GRM3: variants seen among roughly 807,000 people sequenced by gnomAD.
GRM3 encodes metabotropic glutamate receptor 3.
GRM3 carries 26 observed loss-of-function variants against 70.5 expected under a neutral mutation model. The ratio of observed to expected loss-of-function variants is 0.37; its 90% CI spans 0.27 to 0.51. GRM3 has a LOEUF of 0.51. Ranked by LOEUF, GRM3 falls within the 20% of genes least tolerant of loss-of-function variation. GRM3 has a pLI of 0.93. For synonymous variants in GRM3, 443 were observed against 434.9 expected, an observed-to-expected ratio of 1.02 and a Z score of -0.23; for missense variants, 859 against 1,123.8, an observed-to-expected ratio of 0.76 and a Z score of 3.37.
rs193216779 is a variant in GRM3, at chr7:86,708,609, G to A, written c.-140-56397G>A. ...AGGATCAGAGGGGTGCCACGTCAAC[G>A]AATCCACCCCAGAGCTGGATTTAAA... On this transcript the variant is annotated intron_variant, in intron 1 of 5. Coordinates refer to ENST00000361669, the MANE Select transcript of GRM3 (RefSeq NM_000840.3). Among the ~76,000 whole-genome samples, 7 of 152,204 alleles carry A rather than the reference G, an allele frequency of 4.6e-5. No homozygotes were observed. In the East Asian group the frequency reaches 1.2e-3, roughly 25 times the overall value.
At position 86,689,104 on chromosome 7, in the gene GRM3, C is replaced by T. The variant is rs2116016487; in HGVS notation, c.-141+44232C>T. Reference sequence around the variant, plus strand: ...ACTAGTACAAAAGGTCGAAAGGGAACCAAGACATTAAATGATGTTTTGCAA... The same window carrying T: ...ACTAGTACAAAAGGTCGAAAGGGAATCAAGACATTAAATGATGTTTTGCAA... On this transcript the variant is annotated intron_variant, in intron 1 of 5. Transcript: ENST00000361669. 2.0e-5 allele frequency among the ~76,000 whole-genome samples: 3 copies of T among 151,012 alleles called. No homozygotes were observed. In the East Asian group the frequency reaches 5.8e-4, roughly 29 times the overall value.
intron 2 of GRM3, among the ~76,000 whole-genome samples, chr7:86,772,556 A>G (rs1452395829): frequency 6.6e-6 from 1 of 152,090 alleles, no homozygotes; most frequent in Non-Finnish European, 1.5e-5. Flanking sequence ...AGAGAAGACT[A>G]TCCAAGGCTC....
At chr7:86,785,626 T>A (rs1797209907) in intron 2 of GRM3, among the ~76,000 whole-genome samples, 1 of 150,734 alleles carries the variant, frequency 6.6e-6, no homozygotes, top group Non-Finnish European at 1.5e-5. Context: ...TGGTCAAGAT[T>A]TTCAGGAGTT....
chr7:86,758,239 C>G (rs979141910), intron 1 of GRM3, among the ~76,000 whole-genome samples: 1 of 152,120 alleles, frequency 6.6e-6, no homozygotes, highest in Non-Finnish European at 1.5e-5. Flanking sequence ...CTTGATGGGT[C>G]ATATTGCCAA....
intron 1 of GRM3, among the ~76,000 whole-genome samples, chr7:86,667,524 A>C (rs758579413): frequency 6.6e-6 from 1 of 152,118 alleles, no homozygotes; most frequent in Non-Finnish European, 1.5e-5. Context: ...AGTTTTCAAC[A>C]TAGTCACAGC....
At chr7:86,693,932 A>G (rs1794752211) in intron 1 of GRM3, among the ~76,000 whole-genome samples, 1 of 152,212 alleles carries the variant, frequency 6.6e-6, no homozygotes, top group African/African-American at 2.4e-5. Flanking sequence ...TACACTGGAA[A>G]TGAAAGATAA....
At chr7:86,768,763 A>G (rs1489915740) in intron 2 of GRM3, among the ~76,000 whole-genome samples, 1 of 152,070 alleles carries the variant, frequency 6.6e-6, no homozygotes, top group Non-Finnish European at 1.5e-5. Flanking sequence ...TGGCTCCAAC[A>G]TTTCCTGACT....
chr7:86,739,093 TCA>T (rs1795927765), intron 1 of GRM3, among the ~76,000 whole-genome samples: 1 of 152,178 alleles, frequency 6.6e-6, no homozygotes, highest in Admixed American at 6.5e-5. Context: ...TTCTCCTGCC[TCA>T]GTCTCCCAAG....
intron 1 of GRM3, among the ~76,000 whole-genome samples, chr7:86,726,321 C>G (rs1017712699): frequency 6.6e-6 from 1 of 152,158 alleles, no homozygotes; most frequent in Non-Finnish European, 1.5e-5. Context: ...TTTTTTAAAG[C>G]AAACAACAGC....
At chr7:86,658,388 C>T (rs1485845335) in intron 1 of GRM3, among the ~76,000 whole-genome samples, 1 of 152,140 alleles carries the variant, frequency 6.6e-6, no homozygotes, top group African/African-American at 2.4e-5. Flanking sequence ...CCATCCTTCC[C>T]TCTCACTCCC....
At chr7:86,789,098 A>T (rs2299221) in intron 3 of GRM3, among the ~76,000 whole-genome samples, 5,866 of 152,308 alleles carry the variant, frequency 0.039, 141 homozygotes, top group East Asian at 0.064. Flanking sequence ...ACTCTTTTCA[A>T]GTCTACCGTT....
intron 1 of GRM3, among the ~76,000 whole-genome samples, chr7:86,756,607 G>T (rs78230202): frequency 1.3e-5 from 2 of 152,064 alleles, no homozygotes; most frequent in African/African-American, 2.4e-5. Flanking sequence ...CATATGTGCT[G>T]CTTTATTCTG....
intron 3 of GRM3, among the ~76,000 whole-genome samples, chr7:86,813,743 T>C (rs1797960326): frequency 6.6e-6 from 1 of 151,756 alleles, no homozygotes; most frequent in African/African-American, 2.4e-5. Flanking sequence ...CTCTTGGGCA[T>C]CATCACCTGC....
At chr7:86,773,351 TTTTA>T (rs147567573) in intron 2 of GRM3, among the ~76,000 whole-genome samples, 264 of 151,942 alleles carry the variant, frequency 1.7e-3, no homozygotes, top group African/African-American at 4.5e-3. Flanking sequence ...ATCCATTACC[TTTTA>T]TTTATTTATT....
rs774026702 is a variant in GRM3, at chr7:86,850,406, A to T, written c.2428A>T (p.Ser810Cys). ...TTTMCISVSLSGFVVLGCLFA... is the reference protein window; with the variant it reads ...TTTMCISVSLCGFVVLGCLFA... ...AACCATGTGCATCTCTGTCAGCCTGAGTGGCTTTGTGGTCTTGGGCTGTTT... is the reference window on the plus strand; with the variant it reads ...AACCATGTGCATCTCTGTCAGCCTGTGTGGCTTTGTGGTCTTGGGCTGTTT... The change falls in exon 5 of 6, where the codon AGT (serine) becomes TGT (cysteine). Residue 810 changes from serine to cysteine, a missense_variant. Ser to Cys is a moderately radical substitution (Grantham distance 112). Transcript: ENST00000361669. The T allele has an allele frequency of 6.2e-7, 1 of 1,613,158 alleles. No individual in the cohort carries two copies. Among genetic ancestry groups the T allele is most frequent in the South Asian group, 1.1e-5 (1 of 91,056 alleles).
chr7:86,780,173 G>A lies in GRM3; in HGVS notation c.469-6088G>A, dbSNP rs185029578. 8.1e-3 allele frequency among the ~76,000 whole-genome samples: 1,239 copies of A among 152,164 alleles called. 8 individuals are homozygous for A. The highest frequency in any genetic ancestry group is 0.024 in the Admixed American group (368 of 15,284). ...AGTCTTTGCTATTGTGAATAGTGCC[G>A]CAATAAACATACGTGTGCATGTGTC... is the stretch of plus-strand genomic sequence containing the variant. On this transcript the variant is annotated intron_variant, in intron 2 of 5. Transcript: ENST00000361669.
At chr7:86,832,314 GAT>G (rs1798369439) in intron 3 of GRM3, among the ~76,000 whole-genome samples, 1 of 145,616 alleles carries the variant, frequency 6.9e-6, no homozygotes, top group Non-Finnish European at 1.5e-5. Flanking sequence ...GCAATGGCGC[GAT>G]CTCAGCTCAC....
intron 4 of GRM3, among the ~76,000 whole-genome samples, chr7:86,843,820 G>C (rs1287325114): frequency 6.6e-6 from 1 of 152,120 alleles, no homozygotes. Context: ...GAAAATGCAG[G>C]CTTATTCAGT....
rs944418562 is a variant in GRM3, at chr7:86,644,298, G to A, written c.-715G>A. 1 of 267,376 alleles carries A rather than the reference G, an allele frequency of 3.7e-6. No homozygotes were observed. The highest frequency in any genetic ancestry group is 7.3e-6 in the Non-Finnish European group (1 of 136,904). The allele number at this position is 267,376 out of a possible 1,614,324, so 16.6% of individuals were successfully genotyped here. On this transcript the variant is annotated 5_prime_UTR_variant, in exon 1 of 6. Coordinates refer to ENST00000361669, the MANE Select transcript of GRM3 (RefSeq NM_000840.3). ...AGACTCTGCAGATATACCCTTATAA[G>A]AGGGAGGGTGGGGGAGGGAAAAGAA... is the stretch of plus-strand genomic sequence containing the variant.
Sources: gnomAD v4.1 joint callset for allele counts (sites outside exome capture counted in the v4.1 genomes callset) on GRCh38, gnomAD v4.1.1 for gene constraint, MANE v1.5 for transcripts, NCBI Gene and HGNC (gene_info 2026-07-23, HGNC 2026-07-21) for gene names.